Variants in HS6ST3 observed in about 807,000 individuals in gnomAD.
The protein encoded by HS6ST3 is heparan sulfate 6-O-sulfotransferase 3.
Under a neutral mutation model 36.7 loss-of-function variants are expected in HS6ST3, and 12 were observed. The ratio of observed to expected loss-of-function variants is 0.33; its 90% CI spans 0.21 to 0.53. The LOEUF (loss-of-function observed/expected upper bound fraction) is 0.53. Among genes scored for constraint, HS6ST3 ranks in the 20% least tolerant of loss-of-function variants. The pLI, the probability that HS6ST3 is intolerant of heterozygous loss-of-function variation, is 0.95. For missense variants in HS6ST3, 584 were observed against 640.9 expected, an observed-to-expected ratio of 0.91 and a Z score of 0.96; for synonymous variants, 240 against 257.5, an observed-to-expected ratio of 0.93 and a Z score of 0.65.
In HS6ST3 at chr13:96,126,074, C is replaced by T. The variant is rs530003080; in HGVS notation, c.707+34505C>T. 2.6e-5 allele frequency among the ~76,000 whole-genome samples: 4 copies of T among 152,258 alleles called. No homozygotes were observed. In the East Asian group the frequency reaches 5.8e-4, roughly 22 times the overall value. On this transcript the variant is annotated intron_variant, in intron 1 of 1. Coordinates refer to ENST00000376705, the MANE Select transcript of HS6ST3 (RefSeq NM_153456.4). ...GACTGTGGCTATTTAATTTTAATTC[C>T]GTAAACGCATGTGCTTCCTTTCCTC...
intron 1 of HS6ST3, among the ~76,000 whole-genome samples, chr13:96,301,162 A>G (rs569895245): frequency 6.6e-6 from 1 of 152,204 alleles, no homozygotes; most frequent in South Asian, 2.1e-4. Flanking sequence ...GTCAATATAT[A>G]TTTTGATATA....
chr13:96,829,817 G>A (rs1313025499), intron 1 of HS6ST3, among the ~76,000 whole-genome samples: 1 of 152,144 alleles, frequency 6.6e-6, no homozygotes, highest in Non-Finnish European at 1.5e-5. Context: ...ACATGTGCAT[G>A]TGTCTATATA....
chr13:96,828,498 T>C (rs1878698943), intron 1 of HS6ST3, among the ~76,000 whole-genome samples: 1 of 152,180 alleles, frequency 6.6e-6, no homozygotes, highest in Admixed American at 6.5e-5. Flanking sequence ...AGGTTTTCTT[T>C]CTTATAATAT....
intron 1 of HS6ST3, among the ~76,000 whole-genome samples, chr13:96,710,089 G>A (rs1412671042): frequency 1.3e-5 from 2 of 152,188 alleles, no homozygotes; most frequent in African/African-American, 2.4e-5. Flanking sequence ...ATGAAAAACT[G>A]CTGCTGCACA....
chr13:96,221,228 A>C (rs1176074112), intron 1 of HS6ST3, among the ~76,000 whole-genome samples: 1 of 152,154 alleles, frequency 6.6e-6, no homozygotes, highest in Non-Finnish European at 1.5e-5. Flanking sequence ...AGGGTCAGAG[A>C]GAGTTTTTGG....
intron 1 of HS6ST3, among the ~76,000 whole-genome samples, chr13:96,366,017 G>C (rs376685317): frequency 6.6e-6 from 1 of 152,150 alleles, no homozygotes; most frequent in African/African-American, 2.4e-5. Context: ...GCACTTTACA[G>C]AGGTATTTAA....
chr13:96,641,647 A>G (rs964116816), intron 1 of HS6ST3, among the ~76,000 whole-genome samples: 1 of 151,618 alleles, frequency 6.6e-6, no homozygotes, highest in Admixed American at 6.6e-5. Flanking sequence ...AGTTCCCTTG[A>G]CATTTTTAAA....
chr13:96,779,779 A>T (rs964341164), intron 1 of HS6ST3, among the ~76,000 whole-genome samples: 2 of 151,754 alleles, frequency 1.3e-5, no homozygotes, highest in African/African-American at 2.4e-5. Flanking sequence ...TAAAAAAAAA[A>T]AAAAAAACAT....
intron 1 of HS6ST3, among the ~76,000 whole-genome samples, chr13:96,339,321 C>G (rs1052264249): frequency 1.3e-5 from 2 of 152,158 alleles, no homozygotes; most frequent in African/African-American, 4.8e-5. Flanking sequence ...GGCAAATTCT[C>G]TCTCTAGAGC....
At chr13:96,517,759 C>G (rs772473539) in intron 1 of HS6ST3, among the ~76,000 whole-genome samples, 5 of 152,114 alleles carry the variant, frequency 3.3e-5, no homozygotes, top group African/African-American at 7.2e-5. Flanking sequence ...TGCCACCCCC[C>G]ACTCTCAAGC....
rs1878981508 is a variant in HS6ST3, at chr13:96,838,097, G to A, written c.*4899G>A. On this transcript the variant is annotated 3_prime_UTR_variant, in exon 2 of 2. Coordinates refer to ENST00000376705, the MANE Select transcript of HS6ST3 (RefSeq NM_153456.4). ...CTGTATAGTGGGATCATTTAGAGAT[G>A]GGGGTTAGGGAGAGTAGGAGTAACT... 6.6e-6 allele frequency: 1 copy of A among 152,278 alleles called. No individual in the cohort carries two copies. The highest frequency in any genetic ancestry group is 1.9e-4 in the East Asian group (1 of 5,164). 9.4% of individuals were successfully genotyped at this position (152,278 alleles called of 1,614,324 possible).
intron 1 of HS6ST3, among the ~76,000 whole-genome samples, chr13:96,122,338 A>G (rs2053929903): frequency 6.6e-6 from 1 of 152,008 alleles, no homozygotes; most frequent in African/African-American, 2.4e-5. Flanking sequence ...TCACAAGACA[A>G]CATACAAAGA....
chr13:96,375,398 A>G (rs1178261819), intron 1 of HS6ST3, among the ~76,000 whole-genome samples: 1 of 152,186 alleles, frequency 6.6e-6, no homozygotes, highest in Non-Finnish European at 1.5e-5. Flanking sequence ...TGAGGACAGG[A>G]ATCATCTCTG....
chr13:96,693,468 C>A (rs1157191428), intron 1 of HS6ST3, among the ~76,000 whole-genome samples: 2 of 152,052 alleles, frequency 1.3e-5, no homozygotes, highest in African/African-American at 4.8e-5. Flanking sequence ...CCACACCCAG[C>A]TAATTTTGTA....
At chr13:96,212,537 A>T (rs1174846048) in intron 1 of HS6ST3, among the ~76,000 whole-genome samples, 4 of 152,220 alleles carry the variant, frequency 2.6e-5, no homozygotes, top group Non-Finnish European at 2.9e-5. Context: ...AACAAAATGC[A>T]TTCCGGTTTG....
chr13:96,516,391 G>A (rs189535152), intron 1 of HS6ST3, among the ~76,000 whole-genome samples: 1 of 152,114 alleles, frequency 6.6e-6, no homozygotes, highest in Admixed American at 6.6e-5. Flanking sequence ...GCTGACAAAT[G>A]CCCTGTTTAC....
chr13:96,718,855 A>G (rs1347446739), intron 1 of HS6ST3, among the ~76,000 whole-genome samples: 5 of 152,200 alleles, frequency 3.3e-5, no homozygotes, highest in Admixed American at 3.3e-4. Context: ...ATCTCTGTGC[A>G]TCCTTTCACT....
intron 1 of HS6ST3, among the ~76,000 whole-genome samples, chr13:96,533,636 C>T (rs777916910): frequency 2.6e-5 from 4 of 152,168 alleles, no homozygotes; most frequent in Non-Finnish European, 5.9e-5. Flanking sequence ...CCTCCACTCA[C>T]ATGAAAATTA....
intron 1 of HS6ST3, among the ~76,000 whole-genome samples, chr13:96,823,158 T>G (rs1878572346): frequency 2.0e-5 from 3 of 152,184 alleles, no homozygotes; most frequent in Admixed American, 2.0e-4. Context: ...AGTCAAGTCC[T>G]CTCTGGCTTT....
Sources: gnomAD v4.1 joint callset for allele counts (sites outside exome capture counted in the v4.1 genomes callset) on GRCh38, gnomAD v4.1.1 for gene constraint, MANE v1.5 for transcripts, NCBI Gene and HGNC (gene_info 2026-07-23, HGNC 2026-07-21) for gene names.